HPSE2: variants seen among roughly 807,000 people sequenced by gnomAD.
The protein encoded by HPSE2 is inactive heparanase-2.
In HPSE2, 38 loss-of-function variants were observed where a neutral mutation model predicts 60.5. That is an observed-to-expected ratio of 0.63 (90% CI 0.48 to 0.82). The LOEUF (loss-of-function observed/expected upper bound fraction) is 0.82, where lower values mean the gene tolerates loss of function less well. Ranked by LOEUF, HPSE2 falls within the 40% of genes least tolerant of loss-of-function variation. HPSE2 has a pLI of 0.00. For synonymous variants in HPSE2, 295 were observed against 293.2 expected, an observed-to-expected ratio of 1.01 and a Z score of -0.06; for missense variants, 713 against 740.4, an observed-to-expected ratio of 0.96 and a Z score of 0.43.
rs1269850657 is a variant in HPSE2 at position 98,931,768 on chromosome 10, T to C, written c.611-187712A>G. 2.1e-5 allele frequency among the ~76,000 whole-genome samples: 3 copies of C among 143,578 alleles called. 1 individual carries two copies. The highest frequency in any genetic ancestry group is 8.5e-5 in the African/African-American group (3 of 35,196). 94.2% of individuals were successfully genotyped at this position (143,578 alleles called of 152,430 possible). A position where few individuals can be genotyped will look rare whatever the true frequency, so the allele number is the denominator to read the frequency against. On this transcript the variant is annotated intron_variant, in intron 3 of 11. Coordinates refer to ENST00000370552, the MANE Select transcript of HPSE2 (RefSeq NM_021828.5). ...TTCATTCACGATTTTGATTTCTGCTTGTCTGTTGTTGGTGTATAGGAATGC... is the reference window on the plus strand; with the variant it reads ...TTCATTCACGATTTTGATTTCTGCTCGTCTGTTGTTGGTGTATAGGAATGC...
At chr10:99,030,765 G>A (rs1957481090) in intron 3 of HPSE2, among the ~76,000 whole-genome samples, 1 of 152,132 alleles carries the variant, frequency 6.6e-6, no homozygotes, top group South Asian at 2.1e-4. Flanking sequence ...TAAAGAAAAT[G>A]TAGTACATAT....
chr10:98,698,593 G>C (rs966261740), intron 5 of HPSE2, among the ~76,000 whole-genome samples: 2 of 152,006 alleles, frequency 1.3e-5, no homozygotes, highest in African/African-American at 4.8e-5. Context: ...AGAAAAGCAA[G>C]AGCAAACACA....
At chr10:98,565,975 G>A (rs1270543191) in intron 9 of HPSE2, among the ~76,000 whole-genome samples, 1 of 152,148 alleles carries the variant, frequency 6.6e-6, no homozygotes, top group Non-Finnish European at 1.5e-5. Context: ...GAAGTCCAGA[G>A]GCTGTGTTCT....
chr10:98,620,666 C>T lies in HPSE2; in HGVS notation c.1141G>A (p.Gly381Ser), dbSNP rs1391239421. ...YTPGKKIWLEGVVTTSAGGTN... is the reference protein window; with the variant it reads ...YTPGKKIWLESVVTTSAGGTN... Reference sequence around the variant, plus strand: ...CCTCCAGCTGAGGTGGTCACCACACCTTCAAGCCAAATCTTCTTTCCTGGA... The same window carrying T: ...CCTCCAGCTGAGGTGGTCACCACACTTTCAAGCCAAATCTTCTTTCCTGGA... The change falls in exon 8 of 12, where the codon GGT (glycine) becomes AGT (serine). Residue 381 changes from glycine (G) to serine (S), a missense_variant. By Grantham distance (56) the Gly-to-Ser change is moderately conservative (BLOSUM62 0). Transcript: ENST00000370552. 6 of 1,614,082 alleles carry T rather than the reference C, an allele frequency of 3.7e-6. No homozygotes were observed. Among genetic ancestry groups the T allele is most frequent in the Admixed American group, 3.3e-5 (2 of 60,020 alleles).
chr10:98,717,912 T>C (rs1342806741), intron 5 of HPSE2, among the ~76,000 whole-genome samples: 1 of 148,314 alleles, frequency 6.7e-6, no homozygotes, highest in African/African-American at 2.4e-5. Flanking sequence ...AGTAGATTTG[T>C]CAAGGTAGAG....
intron 9 of HPSE2, among the ~76,000 whole-genome samples, chr10:98,583,974 A>G (rs1171811222): frequency 1.3e-5 from 2 of 152,162 alleles, no homozygotes; most frequent in Non-Finnish European, 2.9e-5. Flanking sequence ...AAAATCACCT[A>G]CAGGCTTTTG....
At chr10:99,097,355 T>C (rs899609876) in intron 3 of HPSE2, among the ~76,000 whole-genome samples, 14 of 152,326 alleles carry the variant, frequency 9.2e-5, no homozygotes, top group Admixed American at 6.5e-4. Context: ...GCAAAGCCTC[T>C]TTTACATCTT....
chr10:98,716,162 AT>A, intron 5 of HPSE2, among the ~76,000 whole-genome samples: 1 of 151,924 alleles, frequency 6.6e-6, no homozygotes, highest in East Asian at 1.9e-4. Context: ...ATCCATTCAC[AT>A]TCTATCATGA....
chr10:98,883,696 C>T (rs997162973), intron 3 of HPSE2, among the ~76,000 whole-genome samples: 10 of 151,880 alleles, frequency 6.6e-5, no homozygotes, highest in African/African-American at 9.7e-5. Context: ...GCCAGCTAGT[C>T]GGGAGGCTGA....
At chr10:99,088,010 G>A (rs1843384128) in intron 3 of HPSE2, among the ~76,000 whole-genome samples, 1 of 149,718 alleles carries the variant, frequency 6.7e-6, no homozygotes, top group Non-Finnish European at 1.5e-5. Context: ...GATTCCCCTT[G>A]TTCATCCCTC....
intron 2 of HPSE2, among the ~76,000 whole-genome samples, chr10:99,184,819 T>TATATATATAGAGAGAG (rs1554912295): frequency 5.0e-5 from 1 of 19,866 alleles, no homozygotes; most frequent in Non-Finnish European, 9.9e-5. Flanking sequence ...TATATATATA[T>TATATATATAGAGAGAG]AGAGAGAGAG....
chr10:99,125,441 A>T (rs1845125217), intron 3 of HPSE2, among the ~76,000 whole-genome samples: 1 of 152,186 alleles, frequency 6.6e-6, no homozygotes, highest in South Asian at 2.1e-4. Flanking sequence ...TGAGATAGCT[A>T]AGGAAGACGG....
chr10:98,539,554 T>A (rs938177764), intron 9 of HPSE2, among the ~76,000 whole-genome samples: 2 of 151,792 alleles, frequency 1.3e-5, no homozygotes, highest in African/African-American at 4.9e-5. Flanking sequence ...CAAAAAAGCA[T>A]GTTAACAAAG....
chr10:99,281,987 C>A, the HPSE2 span, among the ~76,000 whole-genome samples: 1 of 151,970 alleles, frequency 6.6e-6, no homozygotes, highest in African/African-American at 2.4e-5. Context: ...AGGCCGGGTG[C>A]GGTGGCTCAT....
At chr10:98,484,894 G>C (rs986799166) in intron 10 of HPSE2, among the ~76,000 whole-genome samples, 5 of 152,100 alleles carry the variant, frequency 3.3e-5, no homozygotes, top group Non-Finnish European at 5.9e-5. Context: ...TTTCTAAGGG[G>C]TCCCTTAGGG....
At chr10:98,850,959 A>T (rs927343973) in intron 3 of HPSE2, among the ~76,000 whole-genome samples, 1 of 152,236 alleles carries the variant, frequency 6.6e-6, no homozygotes, top group African/African-American at 2.4e-5. Flanking sequence ...TAATTAGCAG[A>T]TGAACAAGAA....
rs192031202 is a variant in HPSE2, at chr10:98,829,652, G to T, written c.611-85596C>A. Among the ~76,000 whole-genome samples, 222 of 152,174 alleles carry T rather than the reference G, an allele frequency of 1.5e-3. 2 individuals are homozygous for T. Among genetic ancestry groups the T allele is most frequent in the African/African-American group, 5.1e-3 (211 of 41,516 alleles). ...ATTAAACTGGTAAATTTTATGTCAT[G>T]TATATTTTACCACAATTAAAAATAA... is the stretch of plus-strand genomic sequence containing the variant. On this transcript the variant is annotated intron_variant, in intron 3 of 11. Transcript: ENST00000370552.
chr10:99,128,819 C>T (rs546111691), intron 3 of HPSE2, among the ~76,000 whole-genome samples: 1 of 151,968 alleles, frequency 6.6e-6, no homozygotes, highest in African/African-American at 2.4e-5. Flanking sequence ...ATATCCTGCA[C>T]ATGTATCCCA....
chr10:98,917,728 G>T (rs1023651101), intron 3 of HPSE2, among the ~76,000 whole-genome samples: 2 of 152,110 alleles, frequency 1.3e-5, no homozygotes, highest in Non-Finnish European at 2.9e-5. Flanking sequence ...AACGATGAAT[G>T]AATAAATAGG....
Sources: gnomAD v4.1 joint callset for allele counts (sites outside exome capture counted in the v4.1 genomes callset) on GRCh38, gnomAD v4.1.1 for gene constraint, MANE v1.5 for transcripts, NCBI Gene and HGNC (gene_info 2026-07-23, HGNC 2026-07-21) for gene names.